The following CDH2 variants were observed in gnomAD, a reference collection of about 807,000 sequenced individuals.
CDH2 encodes cadherin 2, also known as cadherin-2.
A neutral mutation model predicts 92.0 loss-of-function variants in CDH2; 17 were observed. The ratio of observed to expected loss-of-function variants is 0.18; its 90% confidence interval spans 0.13 to 0.28. CDH2 has a LOEUF of 0.28. CDH2 is among the 10% of genes least tolerant of loss of function. The pLI is 1.00. For synonymous variants in CDH2, 419 were observed against 415.9 expected (o/e 1.01, Z -0.09); for missense variants, 862 against 1,133.1 (o/e 0.76, Z 3.44).
At chr18:28,155,307 A>G (rs959783939) in intron 1 of CDH2, among the ~76,000 whole-genome samples, 1 of 152,156 alleles carries the variant, frequency 6.6e-6, no homozygotes, top group African/African-American at 2.4e-5. Context: ...ACAGGTCTTT[A>G]GGATTGTTGT....
intron 2 of CDH2, among the ~76,000 whole-genome samples, chr18:28,098,797 G>A (rs1372147152): frequency 6.6e-6 from 1 of 152,106 alleles, no homozygotes; most frequent in Non-Finnish European, 1.5e-5. Context: ...TCATTCTCAG[G>A]TGGGAAAGTG....
intron 1 of CDH2, among the ~76,000 whole-genome samples, chr18:28,175,252 T>C (rs1292604575): frequency 1.3e-5 from 2 of 152,084 alleles, no homozygotes; most frequent in African/African-American, 2.4e-5. Flanking sequence ...TCTCCAAAAC[T>C]GCAAAGGCCA....
intron 2 of CDH2, among the ~76,000 whole-genome samples, chr18:28,132,793 T>C (rs1057416185): frequency 1.3e-5 from 2 of 152,204 alleles, no homozygotes; most frequent in African/African-American, 2.4e-5. Context: ...TTATGGCCTT[T>C]ACAGTCAGCT....
At chr18:27,940,497 C>A (rs747334177) in intron 6 of CDH2, among the ~76,000 whole-genome samples, 12 of 152,134 alleles carry the variant, frequency 7.9e-5, no homozygotes, top group Non-Finnish European at 1.2e-4. Context: ...TGTAAAGAAC[C>A]CTTGCCAACT....
At chr18:28,082,597 G>A (rs2014852852) in intron 2 of CDH2, among the ~76,000 whole-genome samples, 1 of 152,014 alleles carries the variant, frequency 6.6e-6, no homozygotes, top group Non-Finnish European at 1.5e-5. Context: ...ACTGCTCAAA[G>A]ATACACAAAG....
At chr18:28,011,780 G>T in intron 4 of CDH2, 66 bp downstream of exon 4, 1 of 1,467,352 alleles carries the variant, frequency 6.8e-7, no homozygotes, top group South Asian at 1.2e-5. Flanking sequence ...AAAAAAAATA[G>T]ACAGAAATAT....
At chr18:28,141,724 C>G (rs1017256900) in intron 2 of CDH2, among the ~76,000 whole-genome samples, 1 of 151,938 alleles carries the variant, frequency 6.6e-6, no homozygotes, top group African/African-American at 2.4e-5. Flanking sequence ...TGTTTTACCT[C>G]TACTGAAAGC....
At chr18:27,994,822 G>A (rs917281917) in intron 7 of CDH2, among the ~76,000 whole-genome samples, 5 of 151,862 alleles carry the variant, frequency 3.3e-5, no homozygotes, top group Admixed American at 1.3e-4. Flanking sequence ...AAGCCAAACC[G>A]CCCACACTAG....
chr18:28,127,494 G>C lies in CDH2; in HGVS notation c.172+20179C>G, dbSNP rs367684946. Among the ~76,000 whole-genome samples, 5 of 151,614 alleles carry C rather than the reference G, an allele frequency of 3.3e-5. No homozygotes were observed. In the East Asian group the frequency reaches 9.6e-4, roughly 29 times the overall value. The stretch of plus-strand genomic sequence containing the variant: ...AATACTTTCCTTATCGTGGCGCAAT[G>C]GTCAAGCCAATTTTCCTAGGCAAAA... On this transcript the variant is annotated intron_variant, in intron 2 of 15. Coordinates refer to ENST00000269141, the MANE Select transcript of CDH2 (RefSeq NM_001792.5).
rs541016125 is a variant in CDH2, at chr18:28,102,739, T to C, written c.172+44934A>G. 2.6e-5 allele frequency among the ~76,000 whole-genome samples: 4 copies of C among 152,174 alleles called. No individual in the cohort carries two copies. The East Asian group carries it at 5.8e-4, about 22-fold the overall frequency. On this transcript the variant is annotated intron_variant, in intron 2 of 15. Coordinates refer to ENST00000269141, the MANE Select transcript of CDH2 (RefSeq NM_001792.5). ...TGAGAGGCCTTATTTACTTGACTTA[T>C]TTGTGGGAGGAAAGGTGGCAAGGGG...
chr18:28,120,518 T>A lies in CDH2; in HGVS notation c.172+27155A>T, dbSNP rs190411168. Among the ~76,000 whole-genome samples, 16 of 152,236 alleles carry A rather than the reference T, an allele frequency of 1.1e-4. No individual in the cohort carries two copies. The East Asian group carries it at 3.1e-3, about 29-fold the overall frequency. ...CTTTGCTATTACATAGTCATAGATATAAAACAAATATATGTCTATTCATGA... is the reference window on the plus strand; with the variant it reads ...CTTTGCTATTACATAGTCATAGATAAAAAACAAATATATGTCTATTCATGA... On this transcript the variant is annotated intron_variant, in intron 2 of 15. Transcript: ENST00000269141.
At chr18:28,146,446 C>T (rs943145989) in intron 2 of CDH2, 1 of 151,982 alleles carries the variant, frequency 6.6e-6, no homozygotes, top group African/African-American at 2.4e-5. Flanking sequence ...CATTACCCAC[C>T]AGATGAGATA....
At chr18:28,107,723 A>G (rs1388622670) in intron 2 of CDH2, among the ~76,000 whole-genome samples, 2 of 152,152 alleles carry the variant, frequency 1.3e-5, no homozygotes, top group African/African-American at 4.8e-5. Flanking sequence ...GCAGATGTCA[A>G]AAATAGTATG....
rs1054863253 is a variant in CDH2, at chr18:28,028,621, A to G, written c.173-14712T>C. Reference sequence around the variant, plus strand: ...TCTTGAAAATTTACCATCATAATACATAACTGATAGTTTAAAATGTGAATT... The same window carrying G: ...TCTTGAAAATTTACCATCATAATACGTAACTGATAGTTTAAAATGTGAATT... On this transcript the variant is annotated intron_variant, in intron 2 of 15. Coordinates refer to ENST00000269141, the MANE Select transcript of CDH2 (RefSeq NM_001792.5). 2.6e-5 allele frequency among the ~76,000 whole-genome samples: 4 copies of G among 152,166 alleles called. No homozygotes were observed. The East Asian group carries it at 7.7e-4, about 29-fold the overall frequency.
intron 2 of CDH2, among the ~76,000 whole-genome samples, chr18:28,065,775 T>C (rs2014494673): frequency 6.6e-6 from 1 of 152,196 alleles, no homozygotes; most frequent in African/African-American, 2.4e-5. Context: ...ACATAACCAA[T>C]GATATCTGAG....
intron 13 of CDH2, 57 bp downstream of exon 13, chr18:27,984,943 G>T: frequency 7.3e-7 from 1 of 1,378,962 alleles, no homozygotes. Context: ...ACATGACTTT[G>T]CTGAACATCC....
intron 15 of CDH2, among the ~76,000 whole-genome samples, chr18:27,957,529 G>A (rs369595211): frequency 5.3e-5 from 8 of 152,060 alleles, no homozygotes; most frequent in African/African-American, 7.2e-5. Context: ...TGGGATTACA[G>A]GTGTGAGCTG....
At chr18:28,045,769 C>T (rs1268530275) in intron 2 of CDH2, among the ~76,000 whole-genome samples, 2 of 152,226 alleles carry the variant, frequency 1.3e-5, no homozygotes, top group Non-Finnish European at 2.9e-5. Flanking sequence ...CAAACCGAAG[C>T]TTCCTTTAGA....
chr18:27,984,849 G>A, intron 13 of CDH2, 151 bp downstream of exon 13: 1 of 620,704 alleles, frequency 1.6e-6, no homozygotes, highest in Admixed American at 2.9e-5. Context: ...ATTCTAAAGT[G>A]GACTTGGTCG....
Sources: gnomAD v4.1 joint callset for allele counts (sites outside exome capture counted in the v4.1 genomes callset) on GRCh38, gnomAD v4.1.1 for gene constraint, MANE v1.5 for transcripts, NCBI Gene and HGNC (gene_info 2026-07-23, HGNC 2026-07-21) for gene names.